The following TOP6BL variants were observed in gnomAD, a reference collection of about 807,000 sequenced individuals.
The protein encoded by TOP6BL is TOP6B like initiator of meiotic double strand breaks.
chr11:66,841,368 G>A, the TOP6BL span, among the ~76,000 whole-genome samples: 1 of 151,786 alleles, frequency 6.6e-6, no homozygotes, highest in Admixed American at 6.6e-5. Context: ...TGCCCGCCTC[G>A]GCCCCCCAAA....
At chr11:66,770,656 A>G in the TOP6BL span, among the ~76,000 whole-genome samples, 13 of 152,304 alleles carry the variant, frequency 8.5e-5, no homozygotes, top group South Asian at 1.0e-3. Context: ...GTGAGCTGAG[A>G]TCACACCACT....
the TOP6BL span, among the ~76,000 whole-genome samples, chr11:66,754,294 A>G: frequency 6.6e-6 from 1 of 152,064 alleles, no homozygotes; most frequent in Non-Finnish European, 1.5e-5. Flanking sequence ...AACTTCTATT[A>G]TTTAGATATT....
the TOP6BL span, among the ~76,000 whole-genome samples, chr11:66,834,644 T>G: frequency 6.6e-6 from 1 of 152,122 alleles, no homozygotes; most frequent in Admixed American, 6.5e-5. Flanking sequence ...CAGGGAAAGG[T>G]CATGCAGGAA....
At chr11:66,768,470 G>A in the TOP6BL span, among the ~76,000 whole-genome samples, 1 of 151,994 alleles carries the variant, frequency 6.6e-6, no homozygotes, top group African/African-American at 2.4e-5. Context: ...CTGAGACTTA[G>A]CCTCATATAC....
At chr11:66,803,041 A>G in the TOP6BL span, among the ~76,000 whole-genome samples, 7 of 152,158 alleles carry the variant, frequency 4.6e-5, no homozygotes, top group Admixed American at 1.3e-4. Context: ...GAAAGTAACA[A>G]AATTTTACTA....
the TOP6BL span, among the ~76,000 whole-genome samples, chr11:66,782,112 TCTC>T: frequency 1.3e-5 from 2 of 152,164 alleles, no homozygotes; most frequent in Admixed American, 6.6e-5. Context: ...CCAAACTCTA[TCTC>T]CTCTGTGGGT....
chr11:66,816,390 G>A, the TOP6BL span, among the ~76,000 whole-genome samples: 13 of 152,140 alleles, frequency 8.5e-5, no homozygotes, highest in South Asian at 1.5e-3. Flanking sequence ...CTTAAATGAT[G>A]ACATTTCTAG....
the TOP6BL span, chr11:66,813,863 A>G: frequency 6.2e-7 from 1 of 1,613,540 alleles, no homozygotes; most frequent in Non-Finnish European, 8.5e-7. Flanking sequence ...TAGCAACTAC[A>G]CATATTTCTA....
chr11:66,761,861 A>G, the TOP6BL span: 4 of 934,306 alleles, frequency 4.3e-6, no homozygotes, highest in Non-Finnish European at 7.1e-6. Context: ...CCTCTGGATA[A>G]TGACAGTCCA....
At chr11:66,788,224 T>C in the TOP6BL span, 1 of 1,613,950 alleles carries the variant, frequency 6.2e-7, no homozygotes, top group East Asian at 2.2e-5. Flanking sequence ...AAGGCAGCTA[T>C]TCTCAGGATA....
the TOP6BL span, among the ~76,000 whole-genome samples, chr11:66,745,387 T>A: frequency 5.9e-5 from 9 of 152,182 alleles, no homozygotes; most frequent in African/African-American, 1.9e-4. Context: ...AGAGTTTTTT[T>A]AGGCCCCGGT....
At chr11:66,821,761 C>G in the TOP6BL span, 1 of 1,613,234 alleles carries the variant, frequency 6.2e-7, no homozygotes, top group South Asian at 1.1e-5. Flanking sequence ...ACCAGGCTGC[C>G]AAGGTAATAA....
chr11:66,778,333 G>A, the TOP6BL span, among the ~76,000 whole-genome samples: 5 of 152,216 alleles, frequency 3.3e-5, no homozygotes, highest in South Asian at 1.0e-3. Flanking sequence ...AAGATGCTCA[G>A]TTGGCTATGG....
At chr11:66,756,565 C>T in the TOP6BL span, 3 of 1,003,850 alleles carry the variant, frequency 3.0e-6, no homozygotes, top group Non-Finnish European at 3.6e-6. Flanking sequence ...AGTTATATTT[C>T]CAATGCTTTT....
the TOP6BL span, among the ~76,000 whole-genome samples, chr11:66,842,289 C>T: frequency 4.9e-4 from 74 of 152,316 alleles, no homozygotes; most frequent in African/African-American, 1.6e-3. Context: ...CTATTCTAAC[C>T]CTGGGCTTTG....
chr11:66,744,829 G>GGCGGCA, the TOP6BL span: 1 of 1,323,270 alleles, frequency 7.6e-7, no homozygotes. Flanking sequence ...GGGCGGCGGC[G>GGCGGCA]GCGGCGGCGG....
chr11:66,794,221 A>AT, the TOP6BL span, among the ~76,000 whole-genome samples: 8 of 150,214 alleles, frequency 5.3e-5, no homozygotes, highest in East Asian at 1.9e-4. Context: ...ATCTGGGACC[A>AT]TTTTTTTTGT....
the TOP6BL span, chr11:66,748,496 GCT>G: frequency 6.5e-7 from 1 of 1,546,522 alleles, no homozygotes. Flanking sequence ...CCAGGCAAAT[GCT>G]CTTCATTGTG....
chr11:66,759,118 A>C, the TOP6BL span: 1 of 1,438,926 alleles, frequency 6.9e-7, no homozygotes, highest in East Asian at 2.3e-5. Flanking sequence ...CCTAACTTCC[A>C]TGAGACTGAA....
Sources: allele counts gnomAD v4.1 joint callset (sites outside exome capture counted in the v4.1 genomes callset), GRCh38; gene constraint gnomAD v4.1.1; transcripts MANE v1.5; gene names NCBI Gene and HGNC (gene_info 2026-07-23, HGNC 2026-07-21).